The following TRIQK variants were observed in gnomAD, a reference collection of about 807,000 sequenced individuals.
The protein encoded by TRIQK is triple QxxK/R motif-containing protein.
TRIQK carries 10 observed loss-of-function variants against 10.8 expected under a neutral mutation model. The observed-to-expected ratio is 0.92, with a 90% CI of 0.57 to 1.57. The LOEUF is 1.57. TRIQK is among the 40% of genes most tolerant of loss of function. TRIQK has a pLI of 0.00. For synonymous variants in TRIQK, 33 were observed against 33.7 expected (o/e 0.98, Z 0.07); for missense variants, 107 against 97.7 (o/e 1.09, Z -0.40).
chr8:92,958,340 C>A (rs141728422), intron 1 of TRIQK, among the ~76,000 whole-genome samples: 2 of 152,112 alleles, frequency 1.3e-5, no homozygotes, highest in East Asian at 3.9e-4. Flanking sequence ...CGTACTTTCT[C>A]TGTACAAGTC....
chr8:92,884,798 G>T lies in TRIQK; in HGVS notation c.*1824C>A. On this transcript the variant is annotated 3_prime_UTR_variant, in exon 5 of 5. Coordinates refer to ENST00000521988, the MANE Select transcript of TRIQK (RefSeq NM_001171797.2). Reference sequence around the variant, plus strand: ...AATACGACTGTTTTAACACCATATGGAACGGGAAATAACTAAATGAAAATT... The same window carrying T: ...AATACGACTGTTTTAACACCATATGTAACGGGAAATAACTAAATGAAAATT... 4.4e-6 allele frequency: 2 copies of T among 453,680 alleles called. No homozygotes were observed. Among genetic ancestry groups the T allele is most frequent in the South Asian group, 1.6e-5 (1 of 64,370 alleles). The allele number at this position is 453,680 out of a possible 1,614,324, so 28.1% of individuals were successfully genotyped here. A position where few individuals can be genotyped will look rare whatever the true frequency, so the allele number is the denominator to read the frequency against.
chr8:93,005,512 A>C (rs750871932), intron 1 of TRIQK, among the ~76,000 whole-genome samples: 24 of 152,182 alleles, frequency 1.6e-4, no homozygotes, highest in Non-Finnish European at 2.6e-4. Flanking sequence ...GGTTCAATAT[A>C]CACAAATCGA....
chr8:93,005,043 T>C (rs1813254064), intron 1 of TRIQK, among the ~76,000 whole-genome samples: 1 of 151,324 alleles, frequency 6.6e-6, no homozygotes, highest in Non-Finnish European at 1.5e-5. Flanking sequence ...CACTTCCACA[T>C]TTTCAGATAT....
At chr8:92,892,102 G>C (rs1018057823) in intron 3 of TRIQK, 28 bp from the exon 4 acceptor site, 12 of 1,358,464 alleles carry the variant, frequency 8.8e-6, no homozygotes, top group Non-Finnish European at 1.1e-5. Flanking sequence ...CAGACAATGA[G>C]TTATGCTCAT....
chr8:93,009,553 G>A (rs1813308593), intron 1 of TRIQK, among the ~76,000 whole-genome samples: 1 of 152,008 alleles, frequency 6.6e-6, no homozygotes, highest in African/African-American at 2.4e-5. Flanking sequence ...AGGTTGCAGT[G>A]GGCGAGATGA....
At chr8:92,988,009 T>C (rs1259180016) in intron 1 of TRIQK, among the ~76,000 whole-genome samples, 5 of 131,302 alleles carry the variant, frequency 3.8e-5, no homozygotes, top group Non-Finnish European at 6.5e-5. Context: ...TCTTTTTTTT[T>C]TTTTTTTTTT....
intron 1 of TRIQK, 23 bp downstream of exon 1, chr8:92,965,984 C>G (rs1319042965): frequency 6.5e-6 from 1 of 152,800 alleles, no homozygotes; most frequent in African/African-American, 2.4e-5. Flanking sequence ...TCCCCAATCC[C>G]CTCGCACTCG....
At chr8:92,915,140 T>A (rs1417218249) in intron 3 of TRIQK, among the ~76,000 whole-genome samples, 1 of 152,174 alleles carries the variant, frequency 6.6e-6, no homozygotes, top group African/African-American at 2.4e-5. Flanking sequence ...CTCTTATCTT[T>A]TCAATCTTAA....
chr8:92,886,750 A>C lies in TRIQK; in HGVS notation c.148-15T>G, dbSNP rs757380711. On this transcript the variant is annotated splice_polypyrimidine_tract_variant and intron_variant, in intron 4 of 4. Transcript: ENST00000521988. The stretch of plus-strand genomic sequence containing the variant: ...AGGCCAACTTCCTGGGAAGAAAAAA[A>C]AAGTAGACTTGAAATTGATGAAAAA... The C allele has an allele frequency of 4.3e-6, 6 of 1,400,398 alleles. No homozygotes were observed. In the Admixed American group the frequency reaches 6.1e-5, roughly 14 times the overall value. 86.7% of individuals were successfully genotyped at this position (1,400,398 alleles called of 1,614,324 possible).
intron 3 of TRIQK, among the ~76,000 whole-genome samples, chr8:92,909,440 A>G (rs1320219488): frequency 6.6e-6 from 1 of 151,892 alleles, no homozygotes; most frequent in Non-Finnish European, 1.5e-5. Flanking sequence ...ATTTGGAGAT[A>G]TCCAGAATAT....
intron 3 of TRIQK, among the ~76,000 whole-genome samples, chr8:92,914,682 CCA>C (rs1809737507): frequency 1.3e-5 from 2 of 152,096 alleles, no homozygotes; most frequent in South Asian, 4.2e-4. Flanking sequence ...GCTAATCCAA[CCA>C]CAATAAGATA....
intron 1 of TRIQK, among the ~76,000 whole-genome samples, chr8:92,962,814 T>A (rs1289447068): frequency 6.6e-6 from 1 of 152,152 alleles, no homozygotes; most frequent in Non-Finnish European, 1.5e-5. Context: ...GCAGTAATTG[T>A]AAGTAAGCGT....
At chr8:92,955,235 C>T (rs1812109770) in intron 1 of TRIQK, among the ~76,000 whole-genome samples, 1 of 150,792 alleles carries the variant, frequency 6.6e-6, no homozygotes. Context: ...TTAACCCCAA[C>T]TATTTGGGAA....
chr8:92,984,530 TAATC>T (rs1412964203), intron 1 of TRIQK, among the ~76,000 whole-genome samples: 2 of 152,184 alleles, frequency 1.3e-5, no homozygotes, highest in East Asian at 1.9e-4. Flanking sequence ...AGGTCTTACT[TAATC>T]TAACTATTCA....
chr8:92,909,456 G>C (rs967226977), intron 3 of TRIQK, among the ~76,000 whole-genome samples: 1 of 151,868 alleles, frequency 6.6e-6, no homozygotes, highest in African/African-American at 2.4e-5. Context: ...AATATAGAGA[G>C]CAGGCTGGTA....
intron 2 of TRIQK, among the ~76,000 whole-genome samples, chr8:92,935,746 T>TA (rs1234439417): frequency 1.3e-5 from 2 of 151,320 alleles, no homozygotes; most frequent in African/African-American, 4.8e-5. Flanking sequence ...ATTAGATATT[T>TA]AAAAAAAGAC....
At chr8:93,016,902 C>T (rs1009907168) in intron 1 of TRIQK, among the ~76,000 whole-genome samples, 6 of 152,006 alleles carry the variant, frequency 3.9e-5, no homozygotes, top group African/African-American at 1.4e-4. Flanking sequence ...AAATGTATGG[C>T]ATATGCATAT....
intron 3 of TRIQK, among the ~76,000 whole-genome samples, chr8:92,907,263 T>C (rs889715778): frequency 3.3e-5 from 5 of 152,190 alleles, no homozygotes; most frequent in African/African-American, 7.2e-5. Context: ...GTGGAATGGA[T>C]ACTTCTGCCT....
intron 2 of TRIQK, among the ~76,000 whole-genome samples, chr8:92,923,448 T>C (rs1301388624): frequency 6.6e-6 from 1 of 151,878 alleles, no homozygotes; most frequent in East Asian, 1.9e-4. Flanking sequence ...CCTTCTTTTG[T>C]AAAGAACACT....
Sources: gnomAD v4.1 joint callset for allele counts (sites outside exome capture counted in the v4.1 genomes callset) on GRCh38, gnomAD v4.1.1 for gene constraint, MANE v1.5 for transcripts, NCBI Gene and HGNC (gene_info 2026-07-23, HGNC 2026-07-21) for gene names.